Variants in ADGRB3 observed in about 807,000 individuals in gnomAD.
ADGRB3 encodes the protein brain-specific angiogenesis inhibitor 3.
A neutral mutation model predicts 193.4 loss-of-function variants in ADGRB3; 37 were observed. The ratio of observed to expected loss-of-function variants is 0.19; its 90% CI spans 0.15 to 0.25. ADGRB3 has a LOEUF of 0.25. Ranked by LOEUF, ADGRB3 falls within the 10% of genes least tolerant of loss-of-function variation. ADGRB3 has a pLI of 1.00. For synonymous variants in ADGRB3, 690 were observed against 644.2 expected (o/e 1.07, Z -1.08); for missense variants, 1,637 against 1,852.9 (o/e 0.88, Z 2.14).
rs1257126800 is a variant in ADGRB3 at position 69,361,371 on chromosome 6, T to C, written c.4098T>C (p.His1366=). 1 of 1,612,912 alleles carries C rather than the reference T, an allele frequency of 6.2e-7. No homozygotes were observed. Among genetic ancestry groups the C allele is most frequent in the Non-Finnish European group, 8.5e-7 (1 of 1,179,262 alleles). ...MDQFNMNLEQ[H]LAPQEHMQNL... ...AGTTCAATATGAACTTAGAGCAACATCTCGCACCCCAGGAACATATGCAGA... is the reference window on the plus strand; with the variant it reads ...AGTTCAATATGAACTTAGAGCAACACCTCGCACCCCAGGAACATATGCAGA... Residue 1366 remains histidine (H), a synonymous_variant, in exon 29 of 32, where the codon CAT becomes CAC. Transcript: ENST00000370598.
At chr6:68,668,640 C>A (rs1394635286) in intron 3 of ADGRB3, among the ~76,000 whole-genome samples, 1 of 151,862 alleles carries the variant, frequency 6.6e-6, no homozygotes, top group Non-Finnish European at 1.5e-5. Flanking sequence ...GACCAGAGTT[C>A]CCTGTAATTT....
intron 3 of ADGRB3, among the ~76,000 whole-genome samples, chr6:68,860,034 A>T (rs898373714): frequency 1.1e-4 from 16 of 152,322 alleles, no homozygotes; most frequent in Admixed American, 4.6e-4. Context: ...TTTCCAAAAT[A>T]AAATATATAA....
In ADGRB3 at chr6:69,388,977, G is replaced by T; in HGVS notation, c.*86G>T. On this transcript the variant is annotated 3_prime_UTR_variant, in exon 32 of 32. Transcript: ENST00000370598. ...GAAGCCTGACATTTCTATCTGGACAGTGTGACTATCTTATGTCAGGACCTT... is the reference window on the plus strand; with the variant it reads ...GAAGCCTGACATTTCTATCTGGACATTGTGACTATCTTATGTCAGGACCTT... 7.5e-7 allele frequency: 1 copy of T among 1,332,892 alleles called. No homozygotes were observed. The allele number at this position is 1,332,892 out of a possible 1,614,324, so 82.6% of individuals were successfully genotyped here.
chr6:69,202,357 T>C (rs907028281), intron 17 of ADGRB3, among the ~76,000 whole-genome samples: 6 of 152,130 alleles, frequency 3.9e-5, no homozygotes, highest in Non-Finnish European at 7.4e-5. Flanking sequence ...GGATCCTGAC[T>C]GTCTTTCCTC....
chr6:69,005,153 A>G (rs1029325348), intron 11 of ADGRB3, among the ~76,000 whole-genome samples: 1 of 152,144 alleles, frequency 6.6e-6, no homozygotes, highest in Non-Finnish European at 1.5e-5. Flanking sequence ...GGAAAAAATC[A>G]TATTTAATGG....
intron 3 of ADGRB3, among the ~76,000 whole-genome samples, chr6:68,903,214 G>T (rs987732144): frequency 6.6e-6 from 1 of 152,086 alleles, no homozygotes; most frequent in Non-Finnish European, 1.5e-5. Flanking sequence ...AACAGTCAAT[G>T]ACGGGACAAA....
intron 31 of ADGRB3, among the ~76,000 whole-genome samples, chr6:69,386,824 C>A (rs1484709577): frequency 3.3e-5 from 5 of 152,014 alleles, no homozygotes; most frequent in Non-Finnish European, 7.4e-5. Flanking sequence ...TATGTGTTTC[C>A]TGTATAAAGA....
At position 69,266,197 on chromosome 6, in the gene ADGRB3, A is replaced by G. The variant is rs560738862; in HGVS notation, c.2814+26971A>G. On this transcript the variant is annotated intron_variant, in intron 20 of 31. Transcript: ENST00000370598. ...AGTAACATGAAATATTTACTTAATA[A>G]TTAAAGGTAATAATTAGATATTTGT... Among the ~76,000 whole-genome samples, 8 of 152,148 alleles carry G rather than the reference A, an allele frequency of 5.3e-5. No homozygotes were observed. In the East Asian group the frequency reaches 9.6e-4, roughly 18 times the overall value.
intron 17 of ADGRB3, among the ~76,000 whole-genome samples, chr6:69,226,353 T>C (rs1202909147): frequency 6.6e-6 from 1 of 152,204 alleles, no homozygotes; most frequent in Non-Finnish European, 1.5e-5. Context: ...CTATATCAAA[T>C]CAAAATCTTT....
intron 3 of ADGRB3, among the ~76,000 whole-genome samples, chr6:68,798,544 G>A (rs533770098): frequency 6.6e-6 from 1 of 151,548 alleles, no homozygotes; most frequent in African/African-American, 2.4e-5. Context: ...GGGGTGGGGG[G>A]CTAGACGAGG....
intron 17 of ADGRB3, among the ~76,000 whole-genome samples, chr6:69,106,951 T>C (rs1773231496): frequency 6.6e-6 from 1 of 152,138 alleles, no homozygotes; most frequent in Non-Finnish European, 1.5e-5. Context: ...ATGGAAGAAA[T>C]TTTGGACCAG....
At chr6:68,687,443 G>A (rs1007931854) in intron 3 of ADGRB3, among the ~76,000 whole-genome samples, 2 of 152,106 alleles carry the variant, frequency 1.3e-5, no homozygotes, top group Non-Finnish European at 2.9e-5. Flanking sequence ...TGTCTGAACA[G>A]GATCTGGTTT....
chr6:69,122,898 G>A (rs918391343), intron 17 of ADGRB3, among the ~76,000 whole-genome samples: 1 of 151,562 alleles, frequency 6.6e-6, no homozygotes, highest in Non-Finnish European at 1.5e-5. Flanking sequence ...GTGTCTATGT[G>A]ATTCTTCATC....
intron 3 of ADGRB3, among the ~76,000 whole-genome samples, chr6:68,787,582 C>T (rs988388884): frequency 2.0e-5 from 3 of 151,994 alleles, no homozygotes; most frequent in Non-Finnish European, 4.4e-5. Flanking sequence ...ATTTTTGCAT[C>T]GATGTTCATC....
intron 6 of ADGRB3, among the ~76,000 whole-genome samples, chr6:68,951,651 A>G (rs1418288975): frequency 6.6e-6 from 1 of 152,156 alleles, no homozygotes; most frequent in African/African-American, 2.4e-5. Context: ...CCAGCTTACC[A>G]GGGAACTCTT....
chr6:69,183,221 ATAT>A (rs1326415355), intron 17 of ADGRB3, among the ~76,000 whole-genome samples: 1 of 152,052 alleles, frequency 6.6e-6, no homozygotes, highest in Non-Finnish European at 1.5e-5. Flanking sequence ...TTGAATTGTC[ATAT>A]TATAAAAGCT....
intron 3 of ADGRB3, among the ~76,000 whole-genome samples, chr6:68,714,367 A>G (rs989779318): frequency 6.6e-6 from 1 of 151,008 alleles, no homozygotes; most frequent in Non-Finnish European, 1.5e-5. Context: ...AATTAGTCAA[A>G]TTTTTTTTTG....
At chr6:69,112,689 C>T (rs1436092343) in intron 17 of ADGRB3, among the ~76,000 whole-genome samples, 11 of 152,150 alleles carry the variant, frequency 7.2e-5, no homozygotes, top group African/African-American at 2.4e-4. Context: ...AAAAGACAAA[C>T]TCTAAAAACA....
chr6:69,119,584 C>G (rs1773627811), intron 17 of ADGRB3, among the ~76,000 whole-genome samples: 1 of 93,436 alleles, frequency 1.1e-5, no homozygotes, highest in Admixed American at 1.3e-4. Flanking sequence ...GAAATAAGAT[C>G]TTTTGTTTTT....
Sources: allele counts gnomAD v4.1 joint callset (sites outside exome capture counted in the v4.1 genomes callset), GRCh38; gene constraint gnomAD v4.1.1; transcripts MANE v1.5; gene names NCBI Gene and HGNC (gene_info 2026-07-23, HGNC 2026-07-21).